ABCG2: variants seen among roughly 807,000 people sequenced by gnomAD.
ABCG2 encodes broad substrate specificity ATP-binding cassette transporter ABCG2.
Under a neutral mutation model 73.5 loss-of-function variants are expected in ABCG2, and 80 were observed. The ratio of observed to expected loss-of-function variants is 1.09; its 90% CI spans 0.91 to 1.31. The LOEUF is 1.31. ABCG2 is among the 50% of genes most tolerant of loss of function. The probability of loss-of-function intolerance (pLI) is 0.00; values close to 1 mark genes in which losing one functional copy is unlikely to be tolerated. For missense variants in ABCG2, 796 were observed against 786.2 expected (o/e 1.01, Z -0.15); for synonymous variants, 269 against 282.4 (o/e 0.95, Z 0.48).
At chr4:88,099,228 A>G (rs1722211412) in intron 12 of ABCG2, 96 bp downstream of exon 12, 1 of 1,227,964 alleles carries the variant, frequency 8.1e-7, no homozygotes, top group Admixed American at 2.8e-5. Context: ...TTTGGTTTAT[A>G]GTTTTGAGAA....
chr4:88,195,656 G>C (rs958162761), intron 1 of ABCG2, among the ~76,000 whole-genome samples: 2 of 152,188 alleles, frequency 1.3e-5, no homozygotes, highest in African/African-American at 4.8e-5. Context: ...ACTTGGAAGA[G>C]GGTAAGTGGG....
At chr4:88,135,702 C>T (rs1224509172) in intron 2 of ABCG2, among the ~76,000 whole-genome samples, 1 of 152,192 alleles carries the variant, frequency 6.6e-6, no homozygotes, top group Non-Finnish European at 1.5e-5. Context: ...TAGCATCTTG[C>T]ACAATGTCCT....
intron 7 of ABCG2, among the ~76,000 whole-genome samples, chr4:88,115,283 T>A (rs1370268424): frequency 8.0e-5 from 9 of 112,568 alleles, no homozygotes; most frequent in South Asian, 3.3e-4. Flanking sequence ...TATATATATA[T>A]AATTTATTTA....
At chr4:88,107,375 A>G in intron 9 of ABCG2, 109 bp from the exon 10 acceptor site, 1 of 743,872 alleles carries the variant, frequency 1.3e-6, no homozygotes, top group Non-Finnish European at 2.1e-6. Flanking sequence ...AGATCTCTCC[A>G]TTAAGATAAA....
intron 1 of ABCG2, among the ~76,000 whole-genome samples, chr4:88,187,477 G>T (rs916888481): frequency 2.6e-5 from 4 of 152,028 alleles, no homozygotes; most frequent in Non-Finnish European, 4.4e-5. Context: ...GCCAGGCATG[G>T]TGGTGGGTGC....
rs141094185 is a variant in ABCG2, at chr4:88,130,569, T to C, written c.531+492A>G. 1.1e-3 allele frequency among the ~76,000 whole-genome samples: 172 copies of C among 152,234 alleles called. 2 individuals are homozygous for C. Among genetic ancestry groups the C allele is most frequent in the African/African-American group, 4.0e-3 (165 of 41,550 alleles). On this transcript the variant is annotated intron_variant, in intron 5 of 15. Coordinates refer to ENST00000237612, the MANE Select transcript of ABCG2 (RefSeq NM_004827.3). ...CCTACCCTGGTCCATAGAAAAACTG[T>C]CTTCCATAAAACTGGTCCCTGGTGG... is the stretch of plus-strand genomic sequence containing the variant.
intron 1 of ABCG2, among the ~76,000 whole-genome samples, chr4:88,191,732 T>C (rs1728702068): frequency 6.6e-6 from 1 of 152,098 alleles, no homozygotes; most frequent in African/African-American, 2.4e-5. Flanking sequence ...GATAAGTGAA[T>C]AAAGAAAATG....
chr4:88,196,147 T>G (rs887066388), intron 1 of ABCG2, among the ~76,000 whole-genome samples: 3 of 152,186 alleles, frequency 2.0e-5, no homozygotes. Context: ...GGGACACTCC[T>G]GCCCCGCACA....
Position 88,114,001 on chromosome 4 carries a change from G to T in ABCG2, c.944-448C>A, listed in dbSNP as rs549282457. On this transcript the variant is annotated intron_variant, in intron 8 of 15. Coordinates refer to ENST00000237612, the MANE Select transcript of ABCG2 (RefSeq NM_004827.3). ...ATAGAAATAAAAAATTATTAGCTCT[G>T]TCATTAGAAAAGTATAACAGGCCAG... Among the ~76,000 whole-genome samples, 5 of 151,498 alleles carry T rather than the reference G, an allele frequency of 3.3e-5. No homozygotes were observed. The East Asian group carries it at 9.9e-4, about 30-fold the overall frequency.
At chr4:88,096,373 T>C (rs1721984940) in intron 13 of ABCG2, among the ~76,000 whole-genome samples, 1 of 152,224 alleles carries the variant, frequency 6.6e-6, no homozygotes, top group Non-Finnish European at 1.5e-5. Flanking sequence ...GCTTAGCATA[T>C]AACACAGCAT....
At chr4:88,181,041 AT>A in intron 1 of ABCG2, among the ~76,000 whole-genome samples, 1 of 152,270 alleles carries the variant, frequency 6.6e-6, no homozygotes, top group South Asian at 2.1e-4. Flanking sequence ...TAAGTGTAGC[AT>A]TTTTATTAGT....
At chr4:88,191,064 A>C (rs1220165867) in intron 1 of ABCG2, among the ~76,000 whole-genome samples, 2 of 151,392 alleles carry the variant, frequency 1.3e-5, no homozygotes, top group East Asian at 3.9e-4. Flanking sequence ...GTGAAACCCC[A>C]TCTGTACTAA....
intron 1 of ABCG2, among the ~76,000 whole-genome samples, chr4:88,189,916 A>G (rs1416701844): frequency 6.6e-6 from 1 of 152,120 alleles, no homozygotes; most frequent in Non-Finnish European, 1.5e-5. Context: ...TTCTATTCCT[A>G]TTTAGGGTTT....
chr4:88,229,391 C>G (rs1730362452), intron 1 of ABCG2, among the ~76,000 whole-genome samples: 1 of 152,138 alleles, frequency 6.6e-6, no homozygotes, highest in African/African-American at 2.4e-5. Context: ...GTAATCCCAG[C>G]ACTTTAGGAG....
In ABCG2 at chr4:88,229,054, G is replaced by A. The variant is rs4693940; in HGVS notation, c.-20+1940C>T. Among the ~76,000 whole-genome samples, 733 of 152,304 alleles carry A rather than the reference G, an allele frequency of 4.8e-3. 17 individuals carry two copies. Among genetic ancestry groups the A allele is most frequent in the Admixed American group, 0.037 (561 of 15,298 alleles). ...GCCACCCAAGCAAGCAGTGGCAACC[G>A]CTTGGGTCCCCTTCCACACTGTGAA... On this transcript the variant is annotated intron_variant, in intron 1 of 15. Coordinates refer to the ABCG2 transcript ENST00000515655.
At chr4:88,132,746 C>G (rs1373680580) in intron 2 of ABCG2, 111 bp from the exon 3 acceptor site, 4 of 1,221,890 alleles carry the variant, frequency 3.3e-6, no homozygotes, top group African/African-American at 3.0e-5. Context: ...ACAAATAGAA[C>G]ACAAGCACAA....
intron 1 of ABCG2, among the ~76,000 whole-genome samples, chr4:88,203,834 A>AT (rs1016002200): frequency 7.3e-5 from 11 of 151,326 alleles, no homozygotes; most frequent in African/African-American, 2.4e-4. Flanking sequence ...AGGCAACTAC[A>AT]TTTTTCTGAT....
intron 5 of ABCG2, among the ~76,000 whole-genome samples, chr4:88,127,157 T>A (rs1380812405): frequency 3.9e-5 from 6 of 152,048 alleles, no homozygotes; most frequent in African/African-American, 1.4e-4. Flanking sequence ...AGCCAAATCA[T>A]GAACTTCCAT....
chr4:88,121,311 G>GA (rs1364991830), intron 6 of ABCG2, among the ~76,000 whole-genome samples: 4 of 152,256 alleles, frequency 2.6e-5, no homozygotes, highest in African/African-American at 9.6e-5. Flanking sequence ...GGTCTACTCA[G>GA]AAAACTACAA....
Sources: gnomAD v4.1 joint callset for allele counts (sites outside exome capture counted in the v4.1 genomes callset) on GRCh38, gnomAD v4.1.1 for gene constraint, MANE v1.5 for transcripts, NCBI Gene and HGNC (gene_info 2026-07-23, HGNC 2026-07-21) for gene names.